CLDN18: variants seen among roughly 807,000 people sequenced by gnomAD.
CLDN18 encodes claudin-18.
Under a neutral mutation model 25.0 loss-of-function variants are expected in CLDN18, and 20 were observed. The observed-to-expected ratio is 0.80, with a 90% confidence interval of 0.56 to 1.16. The LOEUF (loss-of-function observed/expected upper bound fraction) is 1.16, where lower values mean the gene tolerates loss of function less well. CLDN18 is among the 50% of genes most tolerant of loss of function. The probability of loss-of-function intolerance (pLI) is 0.00; values close to 1 mark genes in which losing one functional copy is unlikely to be tolerated. For synonymous variants in CLDN18, 125 were observed against 135.6 expected (o/e 0.92, Z 0.54); for missense variants, 297 against 345.4 (o/e 0.86, Z 1.11).
chr3:138,018,565 T>C (rs559421424), intron 1 of CLDN18, among the ~76,000 whole-genome samples: 53 of 152,056 alleles, frequency 3.5e-4, no homozygotes, highest in Admixed American at 7.8e-4. Context: ...CTCGATCTCC[T>C]GACCTCGTGA....
At chr3:138,009,157 T>C (rs559335086), upstream of CLDN18, among the ~76,000 whole-genome samples, 36 of 152,282 alleles carry the variant, frequency 2.4e-4, no homozygotes, top group East Asian at 6.9e-3. Flanking sequence ...CTCTGGAGTG[T>C]TCTAGTTTAG....
Position 138,029,853 on chromosome 3 carries a change from T to C in CLDN18, c.560T>C (p.Ile187Thr). ...TGGGTCGCTGGAGGCCTCACACTAATTGGGGGTGTGATGATGTGCATCGCC... is the reference window on the plus strand; with the variant it reads ...TGGGTCGCTGGAGGCCTCACACTAACTGGGGGTGTGATGATGTGCATCGCC... ...VGWVAGGLTL[I>T]GGVMMCIACR... The change falls in exon 4 of 5, where the codon ATT becomes ACT. Residue 187 changes from isoleucine (I) to threonine (T), a missense_variant. Coordinates refer to ENST00000183605, the MANE Select transcript of CLDN18 (RefSeq NM_016369.4). The C allele has an allele frequency of 6.3e-7, 1 of 1,598,978 alleles. No homozygotes were observed. The highest frequency in any genetic ancestry group is 8.5e-7 in the Non-Finnish European group (1 of 1,173,448).
upstream of CLDN18, among the ~76,000 whole-genome samples, chr3:138,008,559 C>T (rs151012436): frequency 0.085 from 12,834 of 151,174 alleles, 707 homozygotes; most frequent in Non-Finnish European, 0.13. Context: ...GCCAAGATTG[C>T]GCCACTGCAC....
upstream of CLDN18, among the ~76,000 whole-genome samples, chr3:138,007,392 A>G (rs2107876515): frequency 2.0e-5 from 3 of 152,380 alleles, no homozygotes; most frequent in Middle Eastern, 0.01. Flanking sequence ...TATCCTTTGC[A>G]GGAACATGGA....
At chr3:138,007,046 C>T (rs1479517017), upstream of CLDN18, among the ~76,000 whole-genome samples, 2 of 152,144 alleles carry the variant, frequency 1.3e-5, no homozygotes, top group East Asian at 3.9e-4. Context: ...TTTCCATCTT[C>T]AATCTATGTT....
intron 1 of CLDN18, among the ~76,000 whole-genome samples, chr3:138,013,224 T>C (rs1361269674): frequency 6.6e-6 from 1 of 152,246 alleles, no homozygotes; most frequent in African/African-American, 2.4e-5. Context: ...TGGCTCCATA[T>C]ATAGAAAAGG....
intron 3 of CLDN18, among the ~76,000 whole-genome samples, chr3:138,024,996 C>T (rs1215224484): frequency 6.6e-6 from 1 of 152,200 alleles, no homozygotes; most frequent in Non-Finnish European, 1.5e-5. Context: ...TACATAAGCC[C>T]CATTGTGGTG....
At chr3:138,013,047 C>T (rs984773944) in intron 1 of CLDN18, among the ~76,000 whole-genome samples, 3 of 152,144 alleles carry the variant, frequency 2.0e-5, no homozygotes, top group East Asian at 1.9e-4. Flanking sequence ...CCCAGAAAAG[C>T]GCCTGGTAGA....
intron 3 of CLDN18, among the ~76,000 whole-genome samples, chr3:138,027,545 C>G (rs1942340699): frequency 1.3e-5 from 2 of 152,204 alleles, no homozygotes; most frequent in Admixed American, 6.5e-5. Flanking sequence ...GGAGAAGTTA[C>G]TTAACCTTGC....
chr3:138,032,617 T>C lies in CLDN18; in HGVS notation c.*1476T>C, dbSNP rs1482869447. 6.6e-6 allele frequency: 1 copy of C among 152,168 alleles called. No homozygotes were observed. Among genetic ancestry groups the C allele is most frequent in the East Asian group, 1.9e-4 (1 of 5,204 alleles). The allele number at this position is 152,168 out of a possible 1,614,324, so 9.4% of individuals were successfully genotyped here. ...CCTGGCACTGTGGTCGGTTTTGTTT[T>C]GTTTTGCTTTGTTTAGAGACGGGGT... On this transcript the variant is annotated 3_prime_UTR_variant, in exon 5 of 5. Transcript: ENST00000183605.
rs1418450122 is a variant in CLDN18 at position 138,010,441 on chromosome 3, T to C, written c.216T>C (p.Leu72=). Residue 72 remains leucine, a synonymous_variant, in exon 1 of 5, where the codon CTT becomes CTC. Coordinates refer to ENST00000183605, the MANE Select transcript of CLDN18 (RefSeq NM_016369.4). ...ECRPYFTILG[L]PAMLQAVRAL... is the part of the protein sequence containing the mutation. ...GGCCCTATTTCACCATCCTGGGACT[T>C]CCAGGTAGGCACCGTGCACCCCGGG... 1.2e-6 allele frequency: 2 copies of C among 1,614,148 alleles called. No homozygotes were observed. The highest frequency in any genetic ancestry group is 1.1e-5 in the South Asian group (1 of 91,082).
chr3:138,005,042 T>G (rs1182316417), intron 1 of CLDN18: 1 of 152,128 alleles, frequency 6.6e-6, no homozygotes, highest in East Asian at 1.9e-4. Flanking sequence ...GGAAAAGATG[T>G]TTTTAGTAAT....
At position 138,003,008 on chromosome 3, in the gene CLDN18, G is replaced by A. The variant is rs990604819; in HGVS notation, c.220+3920G>A. Among the ~76,000 whole-genome samples the A allele has an allele frequency of 2.0e-4, 31 of 152,132 alleles. 1 individual carries two copies. Among genetic ancestry groups the A allele is most frequent in the Non-Finnish European group, 1.2e-4 (8 of 68,018 alleles). Reference sequence around the variant, plus strand: ...TATGTCCCAGACTGTCTGCACATAGGGAATATAGGTGTCAAAGGGCTCATA... The same window carrying A: ...TATGTCCCAGACTGTCTGCACATAGAGAATATAGGTGTCAAAGGGCTCATA... On this transcript the variant is annotated intron_variant, in intron 1 of 4. Transcript: ENST00000343735.
At chr3:138,026,420 G>A (rs574363598) in intron 3 of CLDN18, among the ~76,000 whole-genome samples, 1 of 152,298 alleles carries the variant, frequency 6.6e-6, no homozygotes, top group Admixed American at 6.5e-5. Flanking sequence ...GGCCAAGGTG[G>A]GTGGATCACA....
chr3:138,021,139 A>G (rs558039669), intron 1 of CLDN18, among the ~76,000 whole-genome samples: 198 of 152,326 alleles, frequency 1.3e-3, no homozygotes, highest in African/African-American at 4.7e-3. Flanking sequence ...TTCACTAAAA[A>G]GTAGCAACTG....
At chr3:138,018,375 C>T (rs534937300) in intron 1 of CLDN18, among the ~76,000 whole-genome samples, 6 of 137,580 alleles carry the variant, frequency 4.4e-5, no homozygotes, top group Non-Finnish European at 7.7e-5. Context: ...CTCGCTCTGT[C>T]GCCCAGGCTG....
intron 1 of CLDN18, among the ~76,000 whole-genome samples, chr3:138,021,038 C>G (rs1942264932): frequency 6.6e-6 from 1 of 152,168 alleles, no homozygotes; most frequent in African/African-American, 2.4e-5. Context: ...TTTCTTCAAC[C>G]ATAAAATGGG....
At chr3:138,010,032 T>C (rs1942113463), upstream of CLDN18, 3 of 975,432 alleles carry the variant, frequency 3.1e-6, no homozygotes, top group East Asian at 8.0e-5. Context: ...CCCGCTTCTC[T>C]AACAAATGTA....
At position 138,024,546 on chromosome 3, in the gene CLDN18, C is replaced by T. The variant is rs77015828; in HGVS notation, c.386-61C>T. The T allele has an allele frequency of 3.7e-3, 3,699 of 991,926 alleles. 71 individuals are homozygous for T. In the African/African-American group the frequency reaches 0.048, roughly 13 times the overall value. 61.4% of individuals were successfully genotyped at this position (991,926 alleles called of 1,614,324 possible). A position where few individuals can be genotyped will look rare whatever the true frequency, so the allele number is the denominator to read the frequency against. The stretch of plus-strand genomic sequence containing the variant: ...TCTAAACTCATCTAGGCATAAACTG[C>T]CTCAGAAACATTGTAATCCCTTGAA... On this transcript the variant is annotated intron_variant, in intron 2 of 4. Transcript: ENST00000183605.
Sources: allele counts gnomAD v4.1 joint callset (sites outside exome capture counted in the v4.1 genomes callset), GRCh38; gene constraint gnomAD v4.1.1; transcripts MANE v1.5; gene names NCBI Gene and HGNC (gene_info 2026-07-23, HGNC 2026-07-21).